Variants in COL11A1 observed in about 807,000 individuals in gnomAD.
COL11A1 encodes the protein collagen type XI alpha 1 chain, also known as collagen alpha-1(XI) chain.
A neutral mutation model predicts 265.2 loss-of-function variants in COL11A1; 74 were observed. The observed-to-expected ratio is 0.28, with a 90% CI of 0.23 to 0.34. The LOEUF (loss-of-function observed/expected upper bound fraction) is 0.34. Among genes scored for constraint, COL11A1 ranks in the 10% least tolerant of loss-of-function variants. COL11A1 has a pLI of 1.00. For missense variants in COL11A1, 2,165 were observed against 2,263.6 expected (o/e 0.96, Z 0.88); for synonymous variants, 816 against 727.6 (o/e 1.12, Z -1.96).
At chr1:102,977,428 T>C (rs1662603759) in intron 35 of COL11A1, among the ~76,000 whole-genome samples, 1 of 152,226 alleles carries the variant, frequency 6.6e-6, no homozygotes, top group African/African-American at 2.4e-5. Context: ...ACTCTCAAAG[T>C]GTTTTTAAAA....
In COL11A1 at chr1:102,890,466, G is replaced by A; in HGVS notation, c.4341C>T (p.Gly1447=). The A allele has an allele frequency of 6.2e-7, 1 of 1,609,472 alleles. No individual in the cohort carries two copies. The highest frequency in any genetic ancestry group is 8.5e-7 in the Non-Finnish European group (1 of 1,177,700). The change falls in exon 58 of 67, where the codon GGC becomes GGT. Residue 1447 remains glycine, a synonymous_variant. Transcript: ENST00000370096. Reference sequence around the variant, plus strand: ...TTATTCTCACCTTTTCACCCTTGGAGCCAGGGTCACCTTTGAGACCAGGTA... The same window carrying A: ...TTATTCTCACCTTTTCACCCTTGGAACCAGGGTCACCTTTGAGACCAGGTA... ...PGLPGLKGDP[G]SKGEKGHPGL...
intron 4 of COL11A1, among the ~76,000 whole-genome samples, chr1:103,042,177 G>C (rs2102057250): frequency 6.6e-6 from 1 of 152,074 alleles, no homozygotes; most frequent in South Asian, 2.1e-4. Flanking sequence ...TGGAGGCAAA[G>C]TATCATGCCG....
intron 6 of COL11A1, 112 bp from the exon 7 acceptor site, chr1:103,025,725 G>A: frequency 1.3e-6 from 2 of 1,583,130 alleles, no homozygotes; most frequent in Admixed American, 1.7e-5. Flanking sequence ...TATCTAGTTG[G>A]GTTAAGACTA....
At chr1:102,984,409 A>G (rs1238808062) in intron 30 of COL11A1, among the ~76,000 whole-genome samples, 3 of 152,082 alleles carry the variant, frequency 2.0e-5, no homozygotes, top group Non-Finnish European at 2.9e-5. Context: ...GCCTAACTTA[A>G]CCTTTATTAT....
At position 102,921,558 on chromosome 1, in the gene COL11A1, G is replaced by T. The variant is rs1655994027; in HGVS notation, c.3668C>A (p.Pro1223His). ...GDVGPMGPPG[P>H]PGPRGPQGPN... ...ACCTTGAGGGCCTCTTGGGCCTGGA[G>T]GACCAGGTGGCCCCTGTAAGAGAGA... The change falls in exon 48 of 67, where the codon CCT becomes CAT. Residue 1223 changes from proline to histidine, a missense_variant. Physicochemically the swap from Pro to His is moderately conservative, Grantham distance 77. Transcript: ENST00000370096. 4 of 1,612,960 alleles carry T rather than the reference G, an allele frequency of 2.5e-6. No individual in the cohort carries two copies. Among genetic ancestry groups the T allele is most frequent in the Non-Finnish European group, 3.4e-6 (4 of 1,179,472 alleles).
intron 50 of COL11A1, 23 bp from the exon 51 acceptor site, chr1:102,914,834 A>AAAG: frequency 3.9e-6 from 6 of 1,555,562 alleles, no homozygotes; most frequent in Non-Finnish European, 5.3e-6. Context: ...AAAAAAAAAA[A>AAAG]AAGAAGAAGA....
At chr1:103,043,149 TACCTGAAATACATCA>T (rs1355863403) in intron 4 of COL11A1, among the ~76,000 whole-genome samples, 1 of 146,356 alleles carries the variant, frequency 6.8e-6, no homozygotes. Flanking sequence ...ATATAATGAA[TACCTGAAATACATCA>T]TATATATGAA....
intron 30 of COL11A1, among the ~76,000 whole-genome samples, chr1:102,985,569 A>G (rs1663456319): frequency 6.6e-6 from 1 of 152,168 alleles, no homozygotes. Flanking sequence ...CCACATTAGA[A>G]TGTATGTATA....
chr1:103,030,337 T>A (rs1033223767), intron 5 of COL11A1, among the ~76,000 whole-genome samples: 6 of 152,092 alleles, frequency 3.9e-5, no homozygotes, highest in African/African-American at 1.4e-4. Context: ...AACATACTTC[T>A]AGCATTGAAA....
intron 46 of COL11A1, among the ~76,000 whole-genome samples, chr1:102,933,444 C>T (rs1235827780): frequency 1.3e-5 from 2 of 151,176 alleles, no homozygotes; most frequent in African/African-American, 4.8e-5. Context: ...AGGCAGTCTG[C>T]CTGTTCTCAG....
intron 5 of COL11A1, among the ~76,000 whole-genome samples, chr1:103,028,197 A>C (rs1191277400): frequency 6.6e-6 from 1 of 151,988 alleles, no homozygotes; most frequent in East Asian, 1.9e-4. Context: ...TGCCCGGCTA[A>C]TTTTTTAAAC....
chr1:102,888,356 AG>A (rs1202493589), intron 62 of COL11A1, among the ~76,000 whole-genome samples: 1 of 152,218 alleles, frequency 6.6e-6, no homozygotes. Flanking sequence ...AATAAAAACA[AG>A]ACTATAATAT....
At position 102,898,135 on chromosome 1, in the gene COL11A1, G is replaced by A; in HGVS notation, c.4292C>T (p.Pro1431Leu). The A allele has an allele frequency of 6.4e-7, 1 of 1,550,724 alleles. No homozygotes were observed. ...AAAGATCTTACTCACCATAGGACCA[G>A]GTGGTCCATCTTGGCCTGCAGCTCC... ...LPGAAGQDGPPGPMGPPGLPG... is the reference protein window; with the variant it reads ...LPGAAGQDGPLGPMGPPGLPG... The change falls in exon 57 of 67, where the codon CCT (proline) becomes CTT (leucine). Residue 1431 changes from proline (P) to leucine (L), a missense_variant. By Grantham distance (98) the Pro-to-Leu change is moderately conservative. Transcript: ENST00000370096.
intron 4 of COL11A1, among the ~76,000 whole-genome samples, chr1:103,055,401 A>T (rs1195051204): frequency 2.0e-5 from 3 of 152,238 alleles, no homozygotes; most frequent in Non-Finnish European, 4.4e-5. Flanking sequence ...ATTTAGAGAA[A>T]TAATTAGTGA....
rs559323657 is a variant in COL11A1 at position 102,932,844 on chromosome 1, A to G, written c.3600+1605T>C. ...CTTCTTGCTTCATTTCATTCATTTC[A>G]TCTTCCCTCGCTGATACCCTTTCTT... On this transcript the variant is annotated intron_variant, in intron 46 of 66. Coordinates refer to ENST00000370096, the MANE Select transcript of COL11A1 (RefSeq NM_001854.4). Among the ~76,000 whole-genome samples, 139 of 151,398 alleles carry G rather than the reference A, an allele frequency of 9.2e-4. 1 individual carries two copies. The Middle Eastern group carries it at 0.01, about 11-fold the overall frequency.
chr1:103,018,418 C>G (rs952820583), intron 10 of COL11A1, among the ~76,000 whole-genome samples: 5 of 152,104 alleles, frequency 3.3e-5, no homozygotes, highest in African/African-American at 1.2e-4. Flanking sequence ...TATCAGGATA[C>G]CACAATGGAA....
intron 41 of COL11A1, among the ~76,000 whole-genome samples, chr1:102,952,374 G>A (rs1659975821): frequency 6.6e-6 from 1 of 152,202 alleles, no homozygotes; most frequent in Non-Finnish European, 1.5e-5. Flanking sequence ...TGGAATTACA[G>A]GTGTGAGCCA....
At chr1:103,029,941 G>A (rs1254118140) in intron 5 of COL11A1, among the ~76,000 whole-genome samples, 1 of 151,904 alleles carries the variant, frequency 6.6e-6, no homozygotes, top group Non-Finnish European at 1.5e-5. Context: ...AGAATAATAT[G>A]CCTTATCTTT....
At chr1:102,936,600 T>G (rs971098833) in intron 44 of COL11A1, among the ~76,000 whole-genome samples, 20 of 152,272 alleles carry the variant, frequency 1.3e-4, no homozygotes, top group African/African-American at 4.6e-4. Context: ...CTTCCCAATC[T>G]GAAAGTATTT....
Sources: gnomAD v4.1 joint callset for allele counts (sites outside exome capture counted in the v4.1 genomes callset) on GRCh38, gnomAD v4.1.1 for gene constraint, MANE v1.5 for transcripts, NCBI Gene and HGNC (gene_info 2026-07-23, HGNC 2026-07-21) for gene names.